Variants in PMM2 observed in about 807,000 individuals in gnomAD.
The protein encoded by PMM2 is phosphomannomutase 2.
PMM2 carries 35 observed loss-of-function variants against 33.2 expected under a neutral mutation model. That is an observed-to-expected ratio of 1.06 (90% confidence interval 0.81 to 1.40). PMM2 has a LOEUF of 1.40. Ranked by LOEUF, PMM2 falls within the 40% of genes most tolerant of loss-of-function variation. The pLI is 0.00. For missense variants in PMM2, 386 were observed against 306.0 expected, an observed-to-expected ratio of 1.26 and a Z score of -1.95; for synonymous variants, 153 against 114.7, an observed-to-expected ratio of 1.33 and a Z score of -2.13.
chr16:8,832,007 T>G, intron 7 of PMM2: 1 of 335,668 alleles, frequency 3.0e-6, no homozygotes, highest in Non-Finnish European at 4.2e-6. Flanking sequence ...CAAGTAACCT[T>G]TAGTGCATAT....
intron 6 of PMM2, 71 bp from the exon 7 acceptor site, chr16:8,812,920 T>C (rs77487850): frequency 9.0e-6 from 8 of 891,476 alleles, no homozygotes; most frequent in Non-Finnish European, 1.5e-5. Flanking sequence ...GAGTAAATTG[T>C]TTTTTTCAGT....
At chr16:8,802,333 C>CCCCTTCA (rs2053227551) in intron 2 of PMM2, 1 of 455,752 alleles carries the variant, frequency 2.2e-6, no homozygotes, top group African/African-American at 2.0e-5. Flanking sequence ...GGCTTATTGA[C>CCCCTTCA]CCCTTCACTG....
At chr16:8,819,259 G>C (rs898286168) in intron 7 of PMM2, among the ~76,000 whole-genome samples, 2 of 152,228 alleles carry the variant, frequency 1.3e-5, no homozygotes, top group African/African-American at 4.8e-5. Context: ...TGTAAAAAGA[G>C]TCCATGTGGA....
At chr16:8,813,313 C>T (rs2060688596) in intron 7 of PMM2, among the ~76,000 whole-genome samples, 1 of 152,214 alleles carries the variant, frequency 6.6e-6, no homozygotes, top group Non-Finnish European at 1.5e-5. Flanking sequence ...GCAAGGATCA[C>T]ACTGCATGTT....
intron 7 of PMM2, among the ~76,000 whole-genome samples, chr16:8,821,972 C>A (rs1390300430): frequency 2.0e-5 from 3 of 152,230 alleles, no homozygotes; most frequent in Non-Finnish European, 4.4e-5. Flanking sequence ...GTTCTCCTTG[C>A]CCACTGCCTA....
intron 7 of PMM2, among the ~76,000 whole-genome samples, chr16:8,836,943 G>T (rs2060852415): frequency 6.6e-6 from 1 of 152,030 alleles, no homozygotes; most frequent in Non-Finnish European, 1.5e-5. Flanking sequence ...AGGTGGGGGA[G>T]GGCCAGTCAC....
intron 7 of PMM2, among the ~76,000 whole-genome samples, chr16:8,828,732 G>A (rs775413425): frequency 6.6e-5 from 10 of 152,214 alleles, no homozygotes; most frequent in Non-Finnish European, 1.3e-4. Context: ...AGCGGGCTTA[G>A]AGGGGTCCTA....
At chr16:8,801,613 G>A (rs1480181373) in intron 1 of PMM2, among the ~76,000 whole-genome samples, 186 bp from the exon 2 acceptor site, 3 of 152,160 alleles carry the variant, frequency 2.0e-5, no homozygotes, top group South Asian at 2.1e-4. Context: ...TCGAGGCTGC[G>A]ATGAGCTATG....
In PMM2 at chr16:8,806,374, G is replaced by A. The variant is rs1596486511; in HGVS notation, c.314G>A (p.Ser105Asn). The A allele has an allele frequency of 3.1e-6, 5 of 1,613,486 alleles. No homozygotes were observed. Among genetic ancestry groups the A allele is most frequent in the Non-Finnish European group, 4.2e-6 (5 of 1,179,396 alleles). Reference sequence around the variant, plus strand: ...CAAGATTTAATCAACTACTGTCTGAGCTACATTGCGAAAATTAAACTCCCG... The same window carrying A: ...CAAGATTTAATCAACTACTGTCTGAACTACATTGCGAAAATTAAACTCCCG... ...LIQDLINYCL[S>N]YIAKIKLPKK... The change falls in exon 4 of 8, where the codon AGC becomes AAC. Residue 105 changes from serine (S) to asparagine (N), a missense_variant. By Grantham distance (46) the Ser-to-Asn change is conservative. Coordinates refer to ENST00000268261, the MANE Select transcript of PMM2 (RefSeq NM_000303.3).
intron 3 of PMM2, among the ~76,000 whole-genome samples, chr16:8,805,202 G>A (rs2060640199): frequency 2.0e-5 from 3 of 152,126 alleles, no homozygotes; most frequent in African/African-American, 7.2e-5. Flanking sequence ...CCCATAGCTG[G>A]GATTACAGGC....
chr16:8,802,460 C>T (rs551879886), intron 2 of PMM2: 13 of 349,348 alleles, frequency 3.7e-5, no homozygotes, highest in Middle Eastern at 3.9e-4. Flanking sequence ...GTAAACTATC[C>T]GATTATATGT....
In PMM2 at chr16:8,804,807, G is replaced by A; in HGVS notation, c.219G>A (p.Leu73=). The stretch of plus-strand genomic sequence containing the variant: ...ATTATGTGTTTCCAGAAAATGGCTT[G>A]GTAGCATACAAAGATGGGAAACTCT... ...KYDYVFPENG[L]VAYKDGKLLC... Residue 73 remains leucine, a synonymous_variant, in exon 3 of 8, where the codon TTG becomes TTA. Transcript: ENST00000268261. 6.2e-7 allele frequency: 1 copy of A among 1,613,216 alleles called. No individual in the cohort carries two copies. Among genetic ancestry groups the A allele is most frequent in the African/African-American group, 1.3e-5 (1 of 74,998 alleles).
chr16:8,800,678 T>G (rs897714134), intron 1 of PMM2, among the ~76,000 whole-genome samples: 8 of 150,162 alleles, frequency 5.3e-5, no homozygotes, highest in East Asian at 2.0e-4. Context: ...TTTTTTTTTT[T>G]TTTGTTTTGT....
chr16:8,832,348 A>C, intron 7 of PMM2: 1 of 985,418 alleles, frequency 1.0e-6, no homozygotes, highest in Non-Finnish European at 1.2e-6. Flanking sequence ...CAGGGTCGGG[A>C]GGATTTCACC....
intron 7 of PMM2, among the ~76,000 whole-genome samples, chr16:8,826,954 A>C (rs947205794): frequency 9.2e-5 from 14 of 152,176 alleles, no homozygotes; most frequent in Admixed American, 8.5e-4. Context: ...TTCTCATATA[A>C]ATTTCTTTTT....
chr16:8,803,872 C>T (rs1263303468), intron 2 of PMM2, among the ~76,000 whole-genome samples: 5 of 150,564 alleles, frequency 3.3e-5, no homozygotes, highest in Non-Finnish European at 4.4e-5. Context: ...TTAGTAGAGA[C>T]GGGGTTTTAC....
intron 7 of PMM2, among the ~76,000 whole-genome samples, chr16:8,838,883 T>C (rs1385321858): frequency 6.6e-6 from 1 of 151,966 alleles, no homozygotes; most frequent in Non-Finnish European, 1.5e-5. Flanking sequence ...AAAACAACAC[T>C]CTTCATTTAA....
chr16:8,842,841 G>A (rs1289390016), intron 7 of PMM2, among the ~76,000 whole-genome samples: 1 of 152,126 alleles, frequency 6.6e-6, no homozygotes, highest in African/African-American at 2.4e-5. Context: ...GGATATTGGC[G>A]TTGAGCGGGG....
In PMM2 at chr16:8,812,852, T is replaced by G. The variant is rs139837112; in HGVS notation, c.524-139T>G. The G allele has an allele frequency of 1.1e-5, 8 of 701,940 alleles. No individual in the cohort carries two copies. In the African/African-American group the frequency reaches 1.2e-4, roughly 11 times the overall value. 43.5% of individuals were successfully genotyped at this position (701,940 alleles called of 1,614,324 possible). A position where few individuals can be genotyped will look rare whatever the true frequency, so the allele number is the denominator to read the frequency against. ...TTTCTAGAACCTATGCATGAAGTAGTCTAAGTAGCAAACTAGAGTACTGAA... is the reference window on the plus strand; with the variant it reads ...TTTCTAGAACCTATGCATGAAGTAGGCTAAGTAGCAAACTAGAGTACTGAA... On this transcript the variant is annotated intron_variant, in intron 6 of 7. Transcript: ENST00000268261.
Sources: allele counts gnomAD v4.1 joint callset (sites outside exome capture counted in the v4.1 genomes callset), GRCh38; gene constraint gnomAD v4.1.1; transcripts MANE v1.5; gene names NCBI Gene and HGNC (gene_info 2026-07-23, HGNC 2026-07-21).